CCDC102B: variants seen among roughly 807,000 people sequenced by gnomAD.
The protein encoded by CCDC102B is coiled-coil domain-containing protein 102B.
Under a neutral mutation model 57.4 loss-of-function variants are expected in CCDC102B, and 75 were observed. The ratio of observed to expected loss-of-function variants is 1.31; its 90% CI spans 1.08 to 1.58. CCDC102B has a LOEUF of 1.58. Among genes scored for constraint, CCDC102B ranks in the 40% most tolerant of loss-of-function variants. The pLI, the probability that CCDC102B is intolerant of heterozygous loss-of-function variation, is 0.00. For synonymous variants in CCDC102B, 206 were observed against 201.9 expected, an observed-to-expected ratio of 1.02 and a Z score of -0.17; for missense variants, 636 against 582.6, an observed-to-expected ratio of 1.09 and a Z score of -0.94.
chr18:68,905,298 A>G (rs1157576345), intron 6 of CCDC102B, among the ~76,000 whole-genome samples: 1 of 10,296 alleles, frequency 9.7e-5, no homozygotes, highest in East Asian at 2.9e-3. Context: ...CTAGCATACT[A>G]CTAATAATCC....
chr18:68,801,640 T>C (rs1421601846), intron 1 of CCDC102B, among the ~76,000 whole-genome samples: 1 of 152,088 alleles, frequency 6.6e-6, no homozygotes, highest in Non-Finnish European at 1.5e-5. Context: ...ATTTGTAGAA[T>C]TAAAGTTTCC....
intron 2 of CCDC102B, among the ~76,000 whole-genome samples, chr18:68,790,580 T>G (rs572480897): frequency 6.6e-6 from 1 of 152,088 alleles, no homozygotes; most frequent in East Asian, 1.9e-4. Context: ...CGGGTGGGAG[T>G]GACCCGATTT....
chr18:69,032,983 T>C (rs1471460622), intron 7 of CCDC102B, among the ~76,000 whole-genome samples: 1 of 152,158 alleles, frequency 6.6e-6, no homozygotes. Flanking sequence ...GATTAACACA[T>C]TGTAAAGCAA....
intron 5 of CCDC102B, among the ~76,000 whole-genome samples, chr18:68,877,950 G>T (rs1453511126): frequency 6.6e-6 from 1 of 152,008 alleles, no homozygotes; most frequent in Admixed American, 6.5e-5. Flanking sequence ...AATGAATGAG[G>T]GAAGGATAAG....
chr18:69,025,842 CAG>C (rs1352257016), intron 7 of CCDC102B, among the ~76,000 whole-genome samples: 1 of 152,124 alleles, frequency 6.6e-6, no homozygotes, highest in African/African-American at 2.4e-5. Context: ...AGCAGAAGGA[CAG>C]AGCTGAGTAA....
At chr18:68,956,473 T>A (rs866962744) in intron 6 of CCDC102B, among the ~76,000 whole-genome samples, 1 of 17,802 alleles carries the variant, frequency 5.6e-5, no homozygotes, top group African/African-American at 2.6e-4. Flanking sequence ...ATATATATAT[T>A]ATATATATAT....
intron 2 of CCDC102B, chr18:68,721,002 A>T (rs1210365891): frequency 6.6e-6 from 1 of 152,236 alleles, no homozygotes; most frequent in African/African-American, 2.4e-5. Flanking sequence ...GGAGGCCAAG[A>T]ATTTGAGGCT....
chr18:68,977,968 A>G (rs1001318219), intron 6 of CCDC102B, among the ~76,000 whole-genome samples: 3 of 151,986 alleles, frequency 2.0e-5, no homozygotes, highest in Admixed American at 2.0e-4. Context: ...AAGCCTAGTC[A>G]TGTAGTGGTC....
intron 2 of CCDC102B, among the ~76,000 whole-genome samples, chr18:68,723,021 A>G (rs917757147): frequency 1.1e-4 from 17 of 152,148 alleles, no homozygotes; most frequent in African/African-American, 4.1e-4. Context: ...TTATAAAAAA[A>G]GGAAGTTTGA....
chr18:68,759,712 CA>C (rs2034190669), intron 2 of CCDC102B, among the ~76,000 whole-genome samples: 1 of 151,710 alleles, frequency 6.6e-6, no homozygotes, highest in African/African-American at 2.4e-5. Context: ...AGATTTTTGC[CA>C]AAATGAGGGA....
intron 6 of CCDC102B, among the ~76,000 whole-genome samples, chr18:68,911,874 C>T (rs544025084): frequency 3.2e-4 from 46 of 144,172 alleles, no homozygotes; most frequent in Admixed American, 4.9e-4. Flanking sequence ...CTACATGTAC[C>T]CCTGAACATG....
At chr18:69,027,190 T>C (rs970272006) in intron 7 of CCDC102B, among the ~76,000 whole-genome samples, 4 of 152,174 alleles carry the variant, frequency 2.6e-5, no homozygotes, top group African/African-American at 9.7e-5. Flanking sequence ...GCTCACAGTG[T>C]CCTTAAAAAT....
intron 6 of CCDC102B, among the ~76,000 whole-genome samples, chr18:68,898,753 T>C (rs2040329745): frequency 6.6e-6 from 1 of 152,040 alleles, no homozygotes; most frequent in Non-Finnish European, 1.5e-5. Flanking sequence ...ATATAGGGAG[T>C]CAAACACACA....
chr18:68,832,030 T>C (rs1450687747), intron 1 of CCDC102B, among the ~76,000 whole-genome samples: 1 of 152,164 alleles, frequency 6.6e-6, no homozygotes, highest in Non-Finnish European at 1.5e-5. Flanking sequence ...CATTGTGCTT[T>C]TAATCTGTAT....
chr18:68,832,193 T>C (rs2037173336), intron 1 of CCDC102B, among the ~76,000 whole-genome samples: 3 of 152,238 alleles, frequency 2.0e-5, no homozygotes, highest in Admixed American at 1.3e-4. Context: ...ATCTTTTTAA[T>C]GTCTCTTTTA....
At chr18:69,016,702 G>A (rs913595277) in intron 7 of CCDC102B, among the ~76,000 whole-genome samples, 11 of 152,132 alleles carry the variant, frequency 7.2e-5, no homozygotes, top group African/African-American at 2.7e-4. Context: ...AATGTAATAT[G>A]TATTTCCTTG....
chr18:68,939,214 T>C (rs1380954655), intron 6 of CCDC102B, among the ~76,000 whole-genome samples: 3 of 151,848 alleles, frequency 2.0e-5, no homozygotes, highest in African/African-American at 7.2e-5. Flanking sequence ...CTTAAGATTA[T>C]AGTTGTGAGA....
At chr18:68,899,854 A>G (rs1315258197) in intron 6 of CCDC102B, 1 of 152,172 alleles carries the variant, frequency 6.6e-6, no homozygotes, top group Admixed American at 6.5e-5. Flanking sequence ...TTCCAGTTTT[A>G]AATTGCACTA....
intron 4 of CCDC102B, among the ~76,000 whole-genome samples, chr18:68,864,298 A>T (rs1274706122): frequency 6.6e-6 from 1 of 151,898 alleles, no homozygotes; most frequent in African/African-American, 2.4e-5. Context: ...CTATTCTTTC[A>T]ATATAGAAGA....
Sources: gnomAD v4.1 joint callset for allele counts (sites outside exome capture counted in the v4.1 genomes callset) on GRCh38, gnomAD v4.1.1 for gene constraint, MANE v1.5 for transcripts, NCBI Gene and HGNC (gene_info 2026-07-23, HGNC 2026-07-21) for gene names.